The following IMMP2L variants were observed in gnomAD, a reference collection of about 807,000 sequenced individuals.
IMMP2L encodes mitochondrial inner membrane protease subunit 2.
In IMMP2L, 18 loss-of-function variants were observed where a neutral mutation model predicts 19.3. The ratio of observed to expected loss-of-function variants is 0.93; its 90% confidence interval spans 0.64 to 1.38. The LOEUF (loss-of-function observed/expected upper bound fraction) is 1.38. Among genes scored for constraint, IMMP2L ranks in the 40% most tolerant of loss-of-function variants. IMMP2L has a pLI of 0.00. For synonymous variants in IMMP2L, 76 were observed against 73.0 expected, an observed-to-expected ratio of 1.04 and a Z score of -0.21; for missense variants, 233 against 218.2, an observed-to-expected ratio of 1.07 and a Z score of -0.43.
At chr7:111,411,873 C>T (rs1834465355) in intron 3 of IMMP2L, 1 of 202,628 alleles carries the variant, frequency 4.9e-6, no homozygotes, top group African/African-American at 2.3e-5. Flanking sequence ...AGTAAGGTCA[C>T]TGTCAAATAG....
chr7:111,172,737 C>T (rs772934168), intron 3 of IMMP2L, among the ~76,000 whole-genome samples: 1 of 151,596 alleles, frequency 6.6e-6, no homozygotes, highest in Admixed American at 6.6e-5. Context: ...TGAGTGAGAA[C>T]AGGCAGTGTT....
chr7:111,011,098 C>T (rs182638631), intron 3 of IMMP2L, among the ~76,000 whole-genome samples: 7 of 151,434 alleles, frequency 4.6e-5, no homozygotes, highest in East Asian at 1.9e-4. Flanking sequence ...GTGGCACTGA[C>T]GAGAGGGTAG....
chr7:111,122,774 T>A, intron 3 of IMMP2L: 1 of 1,609,758 alleles, frequency 6.2e-7, no homozygotes, highest in Non-Finnish European at 8.5e-7. Context: ...AAAGCTAAGA[T>A]GAAGGACATG....
intron 3 of IMMP2L, among the ~76,000 whole-genome samples, chr7:111,292,176 G>A (rs1303024685): frequency 1.3e-5 from 2 of 152,146 alleles, no homozygotes; most frequent in African/African-American, 4.8e-5. Context: ...CTTGAAGACT[G>A]TAATTAAGTC....
chr7:111,520,671 C>T (rs575470692), intron 2 of IMMP2L, among the ~76,000 whole-genome samples: 1 of 152,160 alleles, frequency 6.6e-6, no homozygotes, highest in Admixed American at 6.5e-5. Flanking sequence ...AATCCTATAA[C>T]AAAATGCAAA....
chr7:111,386,961 G>A (rs1358829098), intron 3 of IMMP2L, among the ~76,000 whole-genome samples: 1 of 152,080 alleles, frequency 6.6e-6, no homozygotes, highest in Non-Finnish European at 1.5e-5. Context: ...AATACCATAA[G>A]TTTCTATCTC....
At chr7:110,898,727 A>G (rs1335040146) in intron 4 of IMMP2L, among the ~76,000 whole-genome samples, 1 of 152,002 alleles carries the variant, frequency 6.6e-6, no homozygotes, top group Admixed American at 6.6e-5. Context: ...CTGAGTCTAC[A>G]CTGGCTCTTC....
chr7:110,849,516 TCA>T (rs1268084099), intron 5 of IMMP2L, among the ~76,000 whole-genome samples: 1 of 152,086 alleles, frequency 6.6e-6, no homozygotes, highest in Non-Finnish European at 1.5e-5. Flanking sequence ...AGAGAAAAAT[TCA>T]CAGACGAAAT....
intron 5 of IMMP2L, among the ~76,000 whole-genome samples, chr7:110,873,084 T>C (rs1014558616): frequency 1.3e-5 from 2 of 152,188 alleles, no homozygotes; most frequent in African/African-American, 4.8e-5. Context: ...TCTTCCATTT[T>C]ATTATTATTT....
intron 5 of IMMP2L, chr7:110,724,112 T>C (rs982104621): frequency 1.3e-5 from 2 of 152,172 alleles, no homozygotes; most frequent in Non-Finnish European, 2.9e-5. Context: ...TGTAGAACAT[T>C]TGGGACATTT....
chr7:110,815,694 G>T lies in IMMP2L; in HGVS notation c.408+70899C>A, dbSNP rs1197992347. On this transcript the variant is annotated intron_variant, in intron 5 of 5. Coordinates refer to ENST00000405709, the MANE Select transcript of IMMP2L (RefSeq NM_032549.4). ...TCAACTTCTTCCTGGTTTAGTCTTG[G>T]GAGGGTGTATGTGTCGAGGAATTTA... Among the ~76,000 whole-genome samples the T allele has an allele frequency of 1.3e-5, 2 of 152,076 alleles. 1 individual carries two copies. The highest frequency in any genetic ancestry group is 6.3e-3 in the Middle Eastern group (2 of 316).
chr7:111,527,096 T>C (rs577681780), intron 1 of IMMP2L, among the ~76,000 whole-genome samples: 1 of 152,090 alleles, frequency 6.6e-6, no homozygotes, highest in South Asian at 2.1e-4. Flanking sequence ...TAGATATCTG[T>C]CTCTGTCTAT....
chr7:111,523,996 C>G (rs925150404), intron 1 of IMMP2L, among the ~76,000 whole-genome samples: 3 of 152,034 alleles, frequency 2.0e-5, no homozygotes, highest in African/African-American at 7.2e-5. Flanking sequence ...ATTTAATATA[C>G]TTTTCCAATG....
At chr7:110,747,271 C>CA (rs1797414148) in intron 5 of IMMP2L, among the ~76,000 whole-genome samples, 1 of 151,914 alleles carries the variant, frequency 6.6e-6, no homozygotes. Context: ...GCCTACCAAC[C>CA]AAAAAAAGTC....
intron 5 of IMMP2L, among the ~76,000 whole-genome samples, chr7:110,858,704 T>C (rs2129542472): frequency 6.6e-6 from 1 of 152,146 alleles, no homozygotes; most frequent in Non-Finnish European, 1.5e-5. Context: ...CTGCACCCAT[T>C]AACTCGTCAT....
At chr7:110,673,074 C>G (rs1252275550) in intron 5 of IMMP2L, among the ~76,000 whole-genome samples, 2 of 152,222 alleles carry the variant, frequency 1.3e-5, no homozygotes, top group Non-Finnish European at 2.9e-5. Context: ...GAGAGCTCCC[C>G]ATCTGCAGCA....
chr7:111,438,999 C>T (rs1837457733), intron 3 of IMMP2L, among the ~76,000 whole-genome samples: 1 of 151,812 alleles, frequency 6.6e-6, no homozygotes, highest in African/African-American at 2.4e-5. Context: ...CAAATGACAA[C>T]ATTACTTGGC....
In IMMP2L at chr7:111,446,987, C is replaced by T. The variant is rs559912100; in HGVS notation, c.239+40251G>A. ...GGAAGATGAAACGAATGAAATGAAG[C>T]GAGAAGGGAAGTTTAGAGAAAAAAG... On this transcript the variant is annotated intron_variant, in intron 3 of 5. Transcript: ENST00000405709. Among the ~76,000 whole-genome samples the T allele has an allele frequency of 6.2e-4, 92 of 148,554 alleles. 1 individual carries two copies. In the South Asian group the frequency reaches 0.017, roughly 28 times the overall value.
intron 3 of IMMP2L, among the ~76,000 whole-genome samples, chr7:111,012,380 T>A (rs1825058025): frequency 6.6e-6 from 1 of 152,160 alleles, no homozygotes; most frequent in Admixed American, 6.6e-5. Flanking sequence ...TATTTCATAA[T>A]AATGCAGCCA....
Sources: gnomAD v4.1 joint callset for allele counts (sites outside exome capture counted in the v4.1 genomes callset) on GRCh38, gnomAD v4.1.1 for gene constraint, MANE v1.5 for transcripts, NCBI Gene and HGNC (gene_info 2026-07-23, HGNC 2026-07-21) for gene names.